ARK2C: variants seen among roughly 807,000 people sequenced by gnomAD.
ARK2C encodes the protein arkadia (RNF111) C-terminal like ring finger ubiquitin ligase 2C.
the ARK2C span, among the ~76,000 whole-genome samples, chr18:46,371,081 T>C: frequency 6.6e-6 from 1 of 152,146 alleles, no homozygotes; most frequent in African/African-American, 2.4e-5. Flanking sequence ...ACGTCTTACA[T>C]GGTGGCAGGC....
At chr18:46,429,544 CTTA>C in the ARK2C span, among the ~76,000 whole-genome samples, 99 of 152,246 alleles carry the variant, frequency 6.5e-4, no homozygotes, top group Non-Finnish European at 1.0e-3. Context: ...TCTAATATAG[CTTA>C]TTATTTGTTT....
chr18:46,382,660 C>T, the ARK2C span, among the ~76,000 whole-genome samples: 1 of 152,214 alleles, frequency 6.6e-6, no homozygotes, highest in Non-Finnish European at 1.5e-5. Flanking sequence ...TGTCCATCTC[C>T]TCTGATGTCC....
chr18:46,427,507 G>C, the ARK2C span, among the ~76,000 whole-genome samples: 1 of 152,240 alleles, frequency 6.6e-6, no homozygotes, highest in East Asian at 1.9e-4. Flanking sequence ...GCCCACCCGG[G>C]AGGGTACTGG....
chr18:46,433,999 C>T, the ARK2C span, among the ~76,000 whole-genome samples: 1 of 152,206 alleles, frequency 6.6e-6, no homozygotes, highest in South Asian at 2.1e-4. Flanking sequence ...CTCAAGAATT[C>T]TCACCCTCAA....
At chr18:46,389,717 G>C in the ARK2C span, among the ~76,000 whole-genome samples, 1 of 151,898 alleles carries the variant, frequency 6.6e-6, no homozygotes, top group Non-Finnish European at 1.5e-5. Context: ...TCCAGGAAGT[G>C]AAATGGTCAT....
chr18:46,372,482 A>G, the ARK2C span, among the ~76,000 whole-genome samples: 1 of 152,210 alleles, frequency 6.6e-6, no homozygotes. Context: ...TGTCATCTCA[A>G]TGAACCCCAT....
At chr18:46,414,710 G>C in the ARK2C span, among the ~76,000 whole-genome samples, 2 of 152,080 alleles carry the variant, frequency 1.3e-5, no homozygotes, top group Non-Finnish European at 2.9e-5. Context: ...ACACAGCCTT[G>C]AGACTCCAGA....
At chr18:46,437,041 C>T in the ARK2C span, among the ~76,000 whole-genome samples, 2 of 151,410 alleles carry the variant, frequency 1.3e-5, no homozygotes, top group Non-Finnish European at 3.0e-5. Context: ...CTTTATAGAG[C>T]CAAACCTCCT....
the ARK2C span, among the ~76,000 whole-genome samples, chr18:46,377,225 A>C: frequency 6.6e-6 from 1 of 152,348 alleles, no homozygotes; most frequent in East Asian, 1.9e-4. Flanking sequence ...TCTTTAGCAA[A>C]TATCCTTTAA....
chr18:46,435,330 A>T, the ARK2C span: 1 of 1,614,108 alleles, frequency 6.2e-7, no homozygotes, highest in Non-Finnish European at 8.5e-7. Context: ...CACCGCCTCC[A>T]TCCCAGCTTC....
the ARK2C span, chr18:46,435,479 TC>T: frequency 1.8e-6 from 2 of 1,114,098 alleles, no homozygotes; most frequent in Non-Finnish European, 2.7e-6. Context: ...GTTTCTGTTT[TC>T]CTTCACTTTG....
the ARK2C span, among the ~76,000 whole-genome samples, chr18:46,373,217 A>T: frequency 1.6e-3 from 240 of 152,354 alleles, 2 homozygotes; most frequent in Non-Finnish European, 3.1e-3. Context: ...CCTCCAGGGC[A>T]TTAAGCTTGA....
At chr18:46,439,855 G>A in the ARK2C span, among the ~76,000 whole-genome samples, 2 of 151,794 alleles carry the variant, frequency 1.3e-5, no homozygotes, top group Non-Finnish European at 2.9e-5. Context: ...TTTTTGAGAC[G>A]GAGTCTCGCT....
the ARK2C span, among the ~76,000 whole-genome samples, chr18:46,443,743 G>C: frequency 6.6e-6 from 1 of 152,154 alleles, no homozygotes; most frequent in African/African-American, 2.4e-5. Context: ...CTTTACAGAA[G>C]AAGTTTGCCA....
the ARK2C span, among the ~76,000 whole-genome samples, chr18:46,402,792 C>T: frequency 2.6e-5 from 4 of 152,212 alleles, no homozygotes; most frequent in African/African-American, 7.2e-5. Flanking sequence ...TGAGCCACCA[C>T]GCCTGGCCCC....
the ARK2C span, among the ~76,000 whole-genome samples, chr18:46,385,059 G>A: frequency 5.3e-5 from 8 of 152,052 alleles, no homozygotes; most frequent in African/African-American, 1.4e-4. Flanking sequence ...CTCCCTTTCA[G>A]TTGGCAAACC....
the ARK2C span, among the ~76,000 whole-genome samples, chr18:46,451,839 A>T: frequency 6.6e-6 from 1 of 152,206 alleles, no homozygotes; most frequent in Non-Finnish European, 1.5e-5. Context: ...CTATTGAGCC[A>T]TGGAAAGACA....
At chr18:46,339,496 C>T in the ARK2C span, among the ~76,000 whole-genome samples, 1 of 152,214 alleles carries the variant, frequency 6.6e-6, no homozygotes, top group Non-Finnish European at 1.5e-5. Context: ...ATTAAGGAGA[C>T]TTTCCCTGTG....
chr18:46,388,027 G>A, the ARK2C span, among the ~76,000 whole-genome samples: 1 of 152,190 alleles, frequency 6.6e-6, no homozygotes, highest in Non-Finnish European at 1.5e-5. Context: ...GTTCCAAGCA[G>A]GCCTCTTTGC....
Sources: gnomAD v4.1 joint callset for allele counts (sites outside exome capture counted in the v4.1 genomes callset) on GRCh38, gnomAD v4.1.1 for gene constraint, MANE v1.5 for transcripts, NCBI Gene and HGNC (gene_info 2026-07-23, HGNC 2026-07-21) for gene names.